TMEM44: variants seen among roughly 807,000 people sequenced by gnomAD.
The protein encoded by TMEM44 is transmembrane protein 44.
Under a neutral mutation model 47.8 loss-of-function variants are expected in TMEM44, and 43 were observed. That is an observed-to-expected ratio of 0.90 (90% CI 0.70 to 1.16). TMEM44 has a LOEUF of 1.16. Ranked by LOEUF, TMEM44 falls within the 50% of genes most tolerant of loss-of-function variation. TMEM44 has a pLI of 0.00. For missense variants in TMEM44, 568 were observed against 555.2 expected, an observed-to-expected ratio of 1.02 and a Z score of -0.23; for synonymous variants, 277 against 238.8, an observed-to-expected ratio of 1.16 and a Z score of -1.48.
chr3:194,619,388 C>T (rs1716283800), intron 5 of TMEM44, among the ~76,000 whole-genome samples: 1 of 152,234 alleles, frequency 6.6e-6, no homozygotes, highest in Non-Finnish European at 1.5e-5. Context: ...CCTAGGCAGG[C>T]CTTGCCTACA....
In TMEM44 at chr3:194,594,163, C is replaced by A. The variant is rs150553185; in HGVS notation, c.1177-5524G>T. On this transcript the variant is annotated intron_variant, in intron 9 of 9. Transcript: ENST00000347147. ...TCTATCTATCTATCTATCTATCTAT[C>A]TATATCTATCTATCTGTGTATGATG... Among the ~76,000 whole-genome samples the A allele has an allele frequency of 6.4e-4, 89 of 139,736 alleles. 1 individual carries two copies. The highest frequency in any genetic ancestry group is 2.3e-3 in the African/African-American group (85 of 37,694). 91.7% of individuals were successfully genotyped at this position (139,736 alleles called of 152,430 possible).
intron 7 of TMEM44, among the ~76,000 whole-genome samples, chr3:194,612,758 G>C (rs891874047): frequency 2.2e-3 from 338 of 152,226 alleles, no homozygotes; most frequent in African/African-American, 7.5e-3. Context: ...TCCGCCTTCT[G>C]GGTTCACGCC....
intron 6 of TMEM44, among the ~76,000 whole-genome samples, chr3:194,616,241 C>A (rs1354790441): frequency 6.6e-6 from 1 of 151,940 alleles, no homozygotes; most frequent in African/African-American, 2.4e-5. Context: ...TAGTAGAGAC[C>A]GGGTTTCACC....
rs1393182029 is a variant in TMEM44, at chr3:194,623,296, G to A, written c.540C>T (p.Ile180=). ...LASLLQENTE[I]LGYLLGSVAA... ...CAACGCTACCCAGCAGGTAGCCGAG[G>A]ATCTCAGTATTTTCCTGCAAGAACG... Residue 180 remains isoleucine, a synonymous_variant, in exon 5 of 10, where the codon ATC becomes ATT. Coordinates refer to ENST00000347147, the MANE Select transcript of TMEM44 (RefSeq NM_001011655.3). 4 of 1,608,364 alleles carry A rather than the reference G, an allele frequency of 2.5e-6. No homozygotes were observed. In the African/African-American group the frequency reaches 5.3e-5, roughly 21 times the overall value.
chr3:194,604,416 AC>A lies in TMEM44; in HGVS notation c.1046del (p.Gly349ValfsTer50), dbSNP rs1258563907. Reference sequence around the variant, plus strand: ...CATCTCCGGCGCTCGTCTGCCCGTCACCTGGCAGCCTGGTGGCACTGCAGCC... The same window carrying A: ...CATCTCCGGCGCTCGTCTGCCCGTCACTGGCAGCCTGGTGGCACTGCAGCC... ...QAGCSATRLP[G>X]DGQTSAGDAS... On this transcript the variant is annotated frameshift_variant, in exon 9 of 10. Transcript: ENST00000347147. LOFTEE classifies it high-confidence loss of function. 1 of 1,529,200 alleles carries A rather than the reference AC, an allele frequency of 6.5e-7. No homozygotes were observed. Among genetic ancestry groups the A allele is most frequent in the East Asian group, 2.5e-5 (1 of 40,412 alleles). The allele number at this position is 1,529,200 out of a possible 1,614,324, so 94.7% of individuals were successfully genotyped here. A position where few individuals can be genotyped will look rare whatever the true frequency, so the allele number is the denominator to read the frequency against.
intron 8 of TMEM44, among the ~76,000 whole-genome samples, chr3:194,606,346 C>G (rs1342816924): frequency 1.3e-5 from 2 of 152,176 alleles, no homozygotes; most frequent in Non-Finnish European, 2.9e-5. Context: ...TACCCATTTC[C>G]AGATGGCCCT....
intron 5 of TMEM44, chr3:194,617,867 TCTC>T (rs1181679268): frequency 1.4e-5 from 9 of 631,874 alleles, no homozygotes; most frequent in Non-Finnish European, 2.6e-5. Flanking sequence ...GTGAGTGAGT[TCTC>T]CTGAGATCTG....
rs370970918 is a variant in TMEM44 at position 194,591,607 on chromosome 3, A to ATTAT, written c.1177-2972_1177-2969dup. Among the ~76,000 whole-genome samples, 18 of 152,092 alleles carry ATTAT rather than the reference A, an allele frequency of 1.2e-4. 1 individual carries two copies. Among genetic ancestry groups the ATTAT allele is most frequent in the African/African-American group, 3.1e-4 (13 of 41,522 alleles). On this transcript the variant is annotated intron_variant, in intron 9 of 9. Transcript: ENST00000347147. ...CCAGAATAATGTGTTTTAAAACTTC[A>ATTAT]TTATTTATTTATTTATTTATTTTGA...
chr3:194,622,881 C>G (rs1338003250), intron 5 of TMEM44: 1 of 250,868 alleles, frequency 4.0e-6, no homozygotes. Context: ...GAACCTCACA[C>G]CTGGCTGCCT....
chr3:194,602,033 G>T (rs1260959631), intron 9 of TMEM44, among the ~76,000 whole-genome samples: 1 of 152,226 alleles, frequency 6.6e-6, no homozygotes, highest in Non-Finnish European at 1.5e-5. Context: ...TGCTCACTCC[G>T]GTCCCCTTTA....
chr3:194,593,199 G>T, intron 9 of TMEM44: 1 of 936,382 alleles, frequency 1.1e-6, no homozygotes, highest in Non-Finnish European at 1.7e-6. Flanking sequence ...TAGATGGTTG[G>T]GGGCAAAGGA....
chr3:194,633,057 C>G (rs1675956), intron 1 of TMEM44, 22 bp downstream of exon 1: 9 of 1,047,230 alleles, frequency 8.6e-6, no homozygotes, highest in Admixed American at 2.9e-5. Flanking sequence ...CCCGACAGCC[C>G]CCCGACCCGT....
At position 194,588,295 on chromosome 3, in the gene TMEM44, T is replaced by G; in HGVS notation, c.*234A>C. 2.0e-6 allele frequency: 1 copy of G among 497,222 alleles called. No individual in the cohort carries two copies. Among genetic ancestry groups the G allele is most frequent in the East Asian group, 3.4e-5 (1 of 29,770 alleles). 30.8% of individuals were successfully genotyped at this position (497,222 alleles called of 1,614,324 possible). A position where few individuals can be genotyped will look rare whatever the true frequency, so the allele number is the denominator to read the frequency against. ...TTACGAAGCAAAAGCTTCTGTGAACTGTGATCTTCAGAACGAATGCTGGGC... is the reference window on the plus strand; with the variant it reads ...TTACGAAGCAAAAGCTTCTGTGAACGGTGATCTTCAGAACGAATGCTGGGC... On this transcript the variant is annotated 3_prime_UTR_variant, in exon 10 of 10. Transcript: ENST00000347147.
At chr3:194,603,491 G>C (rs892450329) in intron 9 of TMEM44, among the ~76,000 whole-genome samples, 1 of 152,018 alleles carries the variant, frequency 6.6e-6, no homozygotes, top group Non-Finnish European at 1.5e-5. Context: ...TCCACCTCCC[G>C]GGTTCAAGTG....
intron 7 of TMEM44, among the ~76,000 whole-genome samples, chr3:194,613,851 G>A (rs1033560463): frequency 9.3e-5 from 14 of 151,300 alleles, no homozygotes; most frequent in African/African-American, 2.7e-4. Context: ...GGCCGGGCCC[G>A]GTGGCTCACA....
At chr3:194,629,249 G>C (rs917517190) in intron 1 of TMEM44, among the ~76,000 whole-genome samples, 1 of 152,132 alleles carries the variant, frequency 6.6e-6, no homozygotes, top group African/African-American at 2.4e-5. Context: ...TTGTTTCTCT[G>C]AAATAAATTC....
At chr3:194,603,843 C>A (rs187898198) in intron 9 of TMEM44, among the ~76,000 whole-genome samples, 1 of 151,450 alleles carries the variant, frequency 6.6e-6, no homozygotes, top group Non-Finnish European at 1.5e-5. Flanking sequence ...AGGGGCCCCA[C>A]GGAAGTTCAT....
At chr3:194,631,676 T>G (rs779923233) in intron 1 of TMEM44, among the ~76,000 whole-genome samples, 6 of 152,182 alleles carry the variant, frequency 3.9e-5, no homozygotes, top group African/African-American at 7.2e-5. Context: ...ATGGTGGTCT[T>G]CTGGCTTCAC....
chr3:194,611,069 A>G lies in TMEM44; in HGVS notation c.913-49T>C, dbSNP rs1251407027. 4 of 1,517,562 alleles carry G rather than the reference A, an allele frequency of 2.6e-6. No homozygotes were observed. Among genetic ancestry groups the G allele is most frequent in the Non-Finnish European group, 3.6e-6 (4 of 1,096,490 alleles). 94.0% of individuals were successfully genotyped at this position (1,517,562 alleles called of 1,614,324 possible). A position where few individuals can be genotyped will look rare whatever the true frequency, so the allele number is the denominator to read the frequency against. On this transcript the variant is annotated intron_variant, in intron 7 of 9. Transcript: ENST00000347147. This position sits in a 1 kb window ranked among gnomAD's most constrained non-coding sequence, Gnocchi z 4.2. ...AGAAAGGGGAATTCTCAAAGTCAGG[A>G]GGCATTTTCTAAAAACAAGGTCACA...
Sources: gnomAD v4.1 joint callset for allele counts (sites outside exome capture counted in the v4.1 genomes callset) on GRCh38, gnomAD v4.1.1 for gene constraint, Gnocchi (gnomAD v3.1) non-coding constraint, MANE v1.5 for transcripts, NCBI Gene and HGNC (gene_info 2026-07-23, HGNC 2026-07-21) for gene names.